TLE1: variants seen among roughly 807,000 people sequenced by gnomAD.
The protein encoded by TLE1 is TLE family member 1, transcriptional corepressor.
Under a neutral mutation model 89.8 loss-of-function variants are expected in TLE1, and 21 were observed. The observed-to-expected ratio is 0.23, with a 90% CI of 0.17 to 0.34. The LOEUF (loss-of-function observed/expected upper bound fraction) is 0.34. Among genes scored for constraint, TLE1 ranks in the 10% least tolerant of loss-of-function variants. The pLI is 1.00. For missense variants in TLE1, 795 were observed against 1,031.2 expected (o/e 0.77, Z 3.14); for synonymous variants, 447 against 407.6 (o/e 1.10, Z -1.16).
chr9:81,631,964 T>A (rs539098290), intron 8 of TLE1, among the ~76,000 whole-genome samples: 1 of 152,042 alleles, frequency 6.6e-6, no homozygotes, highest in Non-Finnish European at 1.5e-5. Flanking sequence ...TAGCCAGGTG[T>A]GGTGGCACAG....
At chr9:81,671,383 A>T (rs1165162809) in intron 4 of TLE1, among the ~76,000 whole-genome samples, 2 of 152,050 alleles carry the variant, frequency 1.3e-5, no homozygotes, top group Non-Finnish European at 2.9e-5. Context: ...ATGGTGGCTC[A>T]TACCTGTAAT....
At position 81,610,315 on chromosome 9, in the gene TLE1, C is replaced by G. The variant is rs769800949; in HGVS notation, c.1255-19G>C. The G allele has an allele frequency of 1.9e-6, 3 of 1,600,844 alleles. No individual in the cohort carries two copies. The highest frequency in any genetic ancestry group is 2.6e-6 in the Non-Finnish European group (3 of 1,168,870). On this transcript the variant is annotated intron_variant, in intron 13 of 19. Transcript: ENST00000376499. ...ACCCCACCTGGAAACAAAAATAAGG[C>G]ATTGCAGACTCAGTTTATTGCAGCA...
At chr9:81,597,358 C>T (rs529862740) in intron 14 of TLE1, among the ~76,000 whole-genome samples, 1 of 151,868 alleles carries the variant, frequency 6.6e-6, no homozygotes, top group Non-Finnish European at 1.5e-5. Flanking sequence ...TCAGGGAATG[C>T]GGAAAGGGAG....
intron 5 of TLE1, 118 bp from the exon 6 acceptor site, chr9:81,652,406 C>T: frequency 1.4e-6 from 1 of 701,814 alleles, no homozygotes; most frequent in Non-Finnish European, 2.4e-6. Context: ...GGTTTAAATG[C>T]AGAATTTCTC....
chr9:81,584,576 TAC>T (rs1564096991), intron 18 of TLE1, 52 bp from the exon 19 acceptor site: 1 of 1,554,216 alleles, frequency 6.4e-7, no homozygotes, highest in Admixed American at 1.7e-5. Flanking sequence ...ATTCCTACTA[TAC>T]AATTAGCAAC....
intron 6 of TLE1, among the ~76,000 whole-genome samples, chr9:81,641,567 C>T (rs1828121037): frequency 6.6e-6 from 1 of 152,052 alleles, no homozygotes; most frequent in African/African-American, 2.4e-5. Context: ...CCAAAAAACT[C>T]AATAGTACAA....
At chr9:81,678,175 A>T (rs1833140992) in intron 4 of TLE1, among the ~76,000 whole-genome samples, 1 of 152,268 alleles carries the variant, frequency 6.6e-6, no homozygotes, top group East Asian at 1.9e-4. Context: ...TATGATTTTT[A>T]TATTGCTTCA....
intron 17 of TLE1, among the ~76,000 whole-genome samples, chr9:81,585,997 A>T (rs1444824829): frequency 2.0e-5 from 3 of 151,162 alleles, no homozygotes; most frequent in Non-Finnish European, 4.4e-5. Context: ...ATACATTCTG[A>T]GAAATGTGTC....
chr9:81,680,344 G>A (rs1289037778), intron 4 of TLE1, among the ~76,000 whole-genome samples: 1 of 152,172 alleles, frequency 6.6e-6, no homozygotes, highest in African/African-American at 2.4e-5. Context: ...GGCAAGGGAG[G>A]TGCTGTGGCC....
At chr9:81,665,839 G>A (rs1397656661) in intron 4 of TLE1, among the ~76,000 whole-genome samples, 1 of 145,664 alleles carries the variant, frequency 6.9e-6, no homozygotes, top group Non-Finnish European at 1.5e-5. Context: ...AAGCTTGCCA[G>A]GCCCCACTTG....
At chr9:81,633,167 T>C (rs1284775335) in intron 8 of TLE1, among the ~76,000 whole-genome samples, 181 bp downstream of exon 8, 1 of 151,884 alleles carries the variant, frequency 6.6e-6, no homozygotes, top group African/African-American at 2.4e-5. Context: ...CGAACAGTCA[T>C]ATAAGAAAAA....
intron 6 of TLE1, among the ~76,000 whole-genome samples, chr9:81,643,882 C>T (rs778224787): frequency 5.9e-5 from 9 of 152,100 alleles, no homozygotes; most frequent in Non-Finnish European, 8.8e-5. Context: ...AGGCCAACTC[C>T]TCCTGCATGA....
At chr9:81,612,241 C>A in intron 12 of TLE1, 1 of 1,013,588 alleles carries the variant, frequency 9.9e-7, no homozygotes, top group Non-Finnish European at 1.2e-6. Context: ...TAAGAGTATT[C>A]CCTACCCAAT....
intron 8 of TLE1, chr9:81,620,856 G>A (rs1825148932): frequency 3.5e-6 from 3 of 867,026 alleles, no homozygotes; most frequent in Non-Finnish European, 5.2e-6. Context: ...TGTTGTATGT[G>A]GATGTGTTTT....
At position 81,607,793 on chromosome 9, in the gene TLE1, A is replaced by G. The variant is rs1032518092; in HGVS notation, c.1331+2427T>C. Among the ~76,000 whole-genome samples the G allele has an allele frequency of 7.6e-4, 116 of 152,192 alleles. 1 individual carries two copies. Among genetic ancestry groups the G allele is most frequent in the African/African-American group, 2.6e-3 (108 of 41,472 alleles). The stretch of plus-strand genomic sequence containing the variant: ...ACCAGGTAGTAACTAGTTCATGGGT[A>G]CTCAACTGGAAGAGAACTACCAGCT... On this transcript the variant is annotated intron_variant, in intron 14 of 19. Coordinates refer to ENST00000376499, the MANE Select transcript of TLE1 (RefSeq NM_005077.5).
chr9:81,647,225 TCTAA>T (rs747921535), intron 6 of TLE1, among the ~76,000 whole-genome samples: 4 of 152,172 alleles, frequency 2.6e-5, no homozygotes, highest in Non-Finnish European at 5.9e-5. Flanking sequence ...GACGATGTCT[TCTAA>T]CTCTCTCTTC....
At chr9:81,621,674 T>C (rs1042583521) in intron 8 of TLE1, among the ~76,000 whole-genome samples, 5 of 152,186 alleles carry the variant, frequency 3.3e-5, no homozygotes, top group Non-Finnish European at 7.3e-5. Flanking sequence ...GGTATCTTTT[T>C]AAAAGCCCTG....
At position 81,632,471 on chromosome 9, in the gene TLE1, ATCCC is replaced by A. The variant is rs1376565427; in HGVS notation, c.594+873_594+876del. 2.6e-3 allele frequency among the ~76,000 whole-genome samples: 347 copies of A among 133,754 alleles called. 1 individual carries two copies. The highest frequency in any genetic ancestry group is 4.1e-3 in the East Asian group (16 of 3,896). 87.7% of individuals were successfully genotyped at this position (133,754 alleles called of 152,430 possible). ...AAGTTATCAGATTTAAATGTTCAGT[ATCCC>A]TTTTTTTTTTTTTTTTTTTTTACCA... On this transcript the variant is annotated intron_variant, in intron 8 of 19. Transcript: ENST00000376499.
intron 4 of TLE1, among the ~76,000 whole-genome samples, chr9:81,671,235 T>A (rs1308663436): frequency 6.6e-6 from 1 of 152,078 alleles, no homozygotes; most frequent in Middle Eastern, 3.2e-3. Flanking sequence ...ATTCTTAGGC[T>A]GGGTATGGTA....
Sources: allele counts gnomAD v4.1 joint callset (sites outside exome capture counted in the v4.1 genomes callset), GRCh38; gene constraint gnomAD v4.1.1; transcripts MANE v1.5; gene names NCBI Gene and HGNC (gene_info 2026-07-23, HGNC 2026-07-21).